ABCC11: variants seen among roughly 807,000 people sequenced by gnomAD.
ABCC11 encodes the protein ATP binding cassette subfamily C member 11, also known as ATP-binding cassette sub-family C member 11.
In ABCC11, 135 loss-of-function variants were observed where a neutral mutation model predicts 149.3. The observed-to-expected ratio is 0.90, with a 90% CI of 0.79 to 1.04. ABCC11 has a LOEUF of 1.04. ABCC11 is among the 50% of genes least tolerant of loss of function. The pLI, the probability that ABCC11 is intolerant of heterozygous loss-of-function variation, is 0.00. For synonymous variants in ABCC11, 665 were observed against 671.4 expected (o/e 0.99, Z 0.15); for missense variants, 1,680 against 1,722.1 (o/e 0.98, Z 0.43).
chr16:48,233,393 G>A (rs151091489), intron 1 of ABCC11, among the ~76,000 whole-genome samples: 2,705 of 152,276 alleles, frequency 0.018, 33 homozygotes, highest in Non-Finnish European at 0.027. Context: ...GACCATATAA[G>A]ATAGGCTTCC....
intron 14 of ABCC11, 50 bp from the exon 15 acceptor site, chr16:48,200,529 G>C (rs1292166663): frequency 6.3e-7 from 1 of 1,584,944 alleles, no homozygotes; most frequent in Non-Finnish European, 8.6e-7. Flanking sequence ...AGCACAGCCA[G>C]GTGTGCTCAA....
At chr16:48,205,124 G>A (rs534577220) in intron 13 of ABCC11, among the ~76,000 whole-genome samples, 8 of 152,160 alleles carry the variant, frequency 5.3e-5, no homozygotes, top group Non-Finnish European at 1.0e-4. Context: ...CCAATATAGC[G>A]TAATAGTTAA....
At chr16:48,213,093 C>T (rs747719813) in intron 10 of ABCC11, among the ~76,000 whole-genome samples, 22 of 152,216 alleles carry the variant, frequency 1.4e-4, no homozygotes, top group Non-Finnish European at 2.8e-4. Context: ...TCTGGGTTTT[C>T]ACATAAAATG....
chr16:48,167,994 G>C (rs1254837844), intron 28 of ABCC11, among the ~76,000 whole-genome samples: 1 of 152,212 alleles, frequency 6.6e-6, no homozygotes, highest in East Asian at 1.9e-4. Context: ...TGTTCTCCAA[G>C]AAGGGGCAGG....
intron 23 of ABCC11, among the ~76,000 whole-genome samples, chr16:48,179,462 C>T (rs1966293107): frequency 6.6e-6 from 1 of 152,190 alleles, no homozygotes; most frequent in African/African-American, 2.4e-5. Flanking sequence ...CCTCCATTAC[C>T]CTGGCCCAAG....
In ABCC11 at chr16:48,230,377, G is replaced by C. The variant is rs1256412412; in HGVS notation, c.236+60C>G. 3 of 1,487,668 alleles carry C rather than the reference G, an allele frequency of 2.0e-6. No individual in the cohort carries two copies. The Admixed American group carries it at 6.8e-5, about 33-fold the overall frequency. 92.2% of individuals were successfully genotyped at this position (1,487,668 alleles called of 1,614,324 possible). The stretch of plus-strand genomic sequence containing the variant: ...CCTTCGTGAGAGGTCTAGTTGGGAG[G>C]GTTGGGGATCATTGCCCTGGTGGAT... On this transcript the variant is annotated intron_variant, in intron 3 of 29. Coordinates refer to ENST00000356608, the MANE Select transcript of ABCC11 (RefSeq NM_001370497.1).
intron 7 of ABCC11, among the ~76,000 whole-genome samples, chr16:48,215,745 T>A (rs1969291862): frequency 6.6e-6 from 1 of 152,224 alleles, no homozygotes; most frequent in African/African-American, 2.4e-5. Context: ...TATGCTTCCC[T>A]TTCCCCATTA....
At chr16:48,217,502 G>A (rs190716282) in intron 6 of ABCC11, among the ~76,000 whole-genome samples, 136 of 152,144 alleles carry the variant, frequency 8.9e-4, no homozygotes, top group Non-Finnish European at 1.7e-3. Flanking sequence ...AGGCTGAGGC[G>A]GGAGGATTAC....
chr16:48,231,518 C>T (rs897432684), intron 2 of ABCC11, among the ~76,000 whole-genome samples: 2 of 151,822 alleles, frequency 1.3e-5, no homozygotes, highest in Non-Finnish European at 2.9e-5. Flanking sequence ...TAAAAATTAG[C>T]TGGGCGTAGT....
chr16:48,210,085 G>C (rs1372405765), intron 11 of ABCC11: 1 of 152,206 alleles, frequency 6.6e-6, no homozygotes, highest in East Asian at 1.9e-4. Context: ...AAGGAATCAA[G>C]TGTGACTTCC....
chr16:48,173,605 AT>A (rs537217541), intron 26 of ABCC11, among the ~76,000 whole-genome samples: 1 of 151,980 alleles, frequency 6.6e-6, no homozygotes, highest in Non-Finnish European at 1.5e-5. Context: ...TAACACAACC[AT>A]TTTTTTGTTG....
At chr16:48,192,828 C>T in intron 19 of ABCC11, 111 bp from the exon 20 acceptor site, 1 of 1,138,190 alleles carries the variant, frequency 8.8e-7, no homozygotes, top group Non-Finnish European at 1.3e-6. Context: ...GAAGGTGAAG[C>T]TGTTTGCCCA....
At chr16:48,177,709 T>A (rs1206149045) in intron 24 of ABCC11, among the ~76,000 whole-genome samples, 1 of 152,190 alleles carries the variant, frequency 6.6e-6, no homozygotes, top group Admixed American at 6.5e-5. Context: ...GAGAAGAAGT[T>A]GGATCTGACC....
intron 1 of ABCC11, among the ~76,000 whole-genome samples, chr16:48,235,508 T>C (rs939674071): frequency 6.6e-6 from 1 of 152,170 alleles, no homozygotes; most frequent in African/African-American, 2.4e-5. Context: ...TTGCAGAACA[T>C]CAGTCGCTCA....
In ABCC11 at chr16:48,193,928, G is replaced by T; in HGVS notation, c.2459C>A (p.Thr820Lys). Residue 820 changes from threonine (T) to lysine (K), a missense_variant, in exon 19 of 30, where the codon ACG becomes AAG. Thr to Lys is a moderately conservative substitution (Grantham distance 78). Transcript: ENST00000356608. Reference sequence around the variant, plus strand: ...GCTCAGCCACCAGAAGCTGAAGATCGTTAAGAAGACGATCAGCACCACGAA... The same window carrying T: ...GCTCAGCCACCAGAAGCTGAAGATCTTTAAGAAGACGATCAGCACCACGAA... ...FFFVVLIVFL[T>K]IFSFWWLSYW... 1 of 1,614,024 alleles carries T rather than the reference G, an allele frequency of 6.2e-7. No individual in the cohort carries two copies. The highest frequency in any genetic ancestry group is 1.7e-5 in the Admixed American group (1 of 60,018).
At chr16:48,225,718 T>C (rs1970029271) in intron 4 of ABCC11, among the ~76,000 whole-genome samples, 1 of 152,180 alleles carries the variant, frequency 6.6e-6, no homozygotes, top group South Asian at 2.1e-4. Flanking sequence ...TGGGTTAAGG[T>C]GTGTCAGCCT....
At chr16:48,239,465 G>A (rs1970850541) in intron 1 of ABCC11, among the ~76,000 whole-genome samples, 1 of 151,480 alleles carries the variant, frequency 6.6e-6, no homozygotes, top group Admixed American at 6.6e-5. Context: ...GGGAGGCTGA[G>A]GCAGGAGAAT....
chr16:48,179,008 C>T (rs1045569752), intron 23 of ABCC11, among the ~76,000 whole-genome samples: 2 of 152,130 alleles, frequency 1.3e-5, no homozygotes, highest in Admixed American at 1.3e-4. Flanking sequence ...TCCCAGAAAC[C>T]CAGGAGACTT....
intron 27 of ABCC11, 151 bp from the exon 28 acceptor site, chr16:48,170,369 C>T (rs1965635961): frequency 4.5e-6 from 3 of 668,506 alleles, no homozygotes; most frequent in East Asian, 5.1e-5. Context: ...CTGCGCCTTG[C>T]TCACTCTCGT....
Sources: gnomAD v4.1 joint callset for allele counts (sites outside exome capture counted in the v4.1 genomes callset) on GRCh38, gnomAD v4.1.1 for gene constraint, MANE v1.5 for transcripts, NCBI Gene and HGNC (gene_info 2026-07-23, HGNC 2026-07-21) for gene names.